Variants in MAP3K4 observed in about 807,000 individuals in gnomAD.
MAP3K4 encodes the protein MAP three kinase 1.
Under a neutral mutation model 185.6 loss-of-function variants are expected in MAP3K4, and 67 were observed. That is an observed-to-expected ratio of 0.36 (90% CI 0.30 to 0.44). The LOEUF (loss-of-function observed/expected upper bound fraction) is 0.44, where lower values mean the gene tolerates loss of function less well. Ranked by LOEUF, MAP3K4 falls within the 20% of genes least tolerant of loss-of-function variation. MAP3K4 has a pLI of 1.00. For synonymous variants in MAP3K4, 702 were observed against 710.4 expected, an observed-to-expected ratio of 0.99 and a Z score of 0.19; for missense variants, 1,551 against 1,995.1, an observed-to-expected ratio of 0.78 and a Z score of 4.24.
intron 1 of MAP3K4, among the ~76,000 whole-genome samples, chr6:161,003,805 T>G (rs1433856713): frequency 2.6e-5 from 4 of 152,136 alleles, no homozygotes; most frequent in African/African-American, 9.6e-5. Flanking sequence ...GTTTCTTTGT[T>G]GTACAAGACA....
chr6:161,016,472 G>T (rs1345272509), intron 1 of MAP3K4, among the ~76,000 whole-genome samples: 1 of 152,118 alleles, frequency 6.6e-6, no homozygotes, highest in African/African-American at 2.4e-5. Context: ...ACACATTCTG[G>T]TTGTTGTTAC....
chr6:161,083,874 C>G (rs1322694455), intron 6 of MAP3K4, among the ~76,000 whole-genome samples: 1 of 152,220 alleles, frequency 6.6e-6, no homozygotes, highest in Non-Finnish European at 1.5e-5. Flanking sequence ...AAGCCTAGCA[C>G]TTACCTCCTG....
At chr6:160,992,209 G>A (rs1225908747) in intron 1 of MAP3K4, 126 bp downstream of exon 1, 2 of 1,280,822 alleles carry the variant, frequency 1.6e-6, no homozygotes, top group South Asian at 1.7e-5. Context: ...TCTGCAGGCT[G>A]GGGCGGGAGG....
intron 1 of MAP3K4, among the ~76,000 whole-genome samples, chr6:161,019,663 C>T (rs544970933): frequency 6.6e-6 from 1 of 152,298 alleles, no homozygotes; most frequent in East Asian, 1.9e-4. Flanking sequence ...CCCGCATTGG[C>T]CTTCCTTAGT....
At position 161,106,829 on chromosome 6, in the gene MAP3K4, G is replaced by T. The variant is rs1208346228; in HGVS notation, c.4048+124G>T. ...CTTGTAGACATAGCAAGTATGCATT[G>T]TTATCTTTTTGCAAAGTGGTCTGGA... is the stretch of plus-strand genomic sequence containing the variant. On this transcript the variant is annotated intron_variant, in intron 20 of 26. Transcript: ENST00000392142. This position sits in a 1 kb window ranked among gnomAD's most constrained non-coding sequence, Gnocchi z 4.9. 2 of 701,500 alleles carry T rather than the reference G, an allele frequency of 2.9e-6. No homozygotes were observed. Among genetic ancestry groups the T allele is most frequent in the Non-Finnish European group, 4.2e-6 (2 of 472,524 alleles). 43.5% of individuals were successfully genotyped at this position (701,500 alleles called of 1,614,324 possible).
Position 161,089,495 on chromosome 6 carries a change from G to C in MAP3K4, c.2973+24G>C, listed in dbSNP as rs1242789124. Reference sequence around the variant, plus strand: ...AGGTATTACACTGTCCTCTACATTAGCTGAGATTTTTCCTTTTTGATGAAA... The same window carrying C: ...AGGTATTACACTGTCCTCTACATTACCTGAGATTTTTCCTTTTTGATGAAA... On this transcript the variant is annotated intron_variant, in intron 11 of 26. Transcript: ENST00000392142. 1.9e-6 allele frequency: 3 copies of C among 1,609,116 alleles called. No individual in the cohort carries two copies. In the African/African-American group the frequency reaches 4.0e-5, roughly 22 times the overall value.
At position 161,075,609 on chromosome 6, in the gene MAP3K4, C is replaced by T. The variant is rs191447716; in HGVS notation, c.2097+1997C>T. 3.3e-5 allele frequency among the ~76,000 whole-genome samples: 5 copies of T among 152,154 alleles called. No individual in the cohort carries two copies. The East Asian group carries it at 5.8e-4, about 18-fold the overall frequency. ...TGCTTCGTAAACTGTGTTTGCTGGC[C>T]CTTTATCCTGTAGTGGCAGGGGAGC... is the stretch of plus-strand genomic sequence containing the variant. On this transcript the variant is annotated intron_variant, in intron 5 of 26. Coordinates refer to ENST00000392142, the MANE Select transcript of MAP3K4 (RefSeq NM_005922.4). The surrounding 1 kb of genome is among the most constrained non-coding windows in gnomAD (Gnocchi z 4.3).
At chr6:161,010,439 A>C (rs930760031) in intron 1 of MAP3K4, among the ~76,000 whole-genome samples, 2 of 152,178 alleles carry the variant, frequency 1.3e-5, no homozygotes, top group African/African-American at 4.8e-5. Flanking sequence ...AAAAGTGTTT[A>C]TTTTTAATAA....
rs1457648347 is a variant in MAP3K4 at position 161,112,803 on chromosome 6, C to A, written c.4626+29C>A. Reference sequence around the variant, plus strand: ...AGCGGAGCCCCCACACCTGGCGGAGCAACTTCAGAAGGGCACTGTGCATTA... The same window carrying A: ...AGCGGAGCCCCCACACCTGGCGGAGAAACTTCAGAAGGGCACTGTGCATTA... On this transcript the variant is annotated intron_variant, in intron 25 of 26. Transcript: ENST00000392142. This position sits in a 1 kb window ranked among gnomAD's most constrained non-coding sequence, Gnocchi z 5.1. 1 of 1,493,118 alleles carries A rather than the reference C, an allele frequency of 6.7e-7. No homozygotes were observed. Among genetic ancestry groups the A allele is most frequent in the Non-Finnish European group, 9.0e-7 (1 of 1,108,394 alleles). 92.5% of individuals were successfully genotyped at this position (1,493,118 alleles called of 1,614,324 possible).
Position 161,103,030 on chromosome 6 carries a change from A to G in MAP3K4, c.3856+251A>G, listed in dbSNP as rs1777905572. Among the ~76,000 whole-genome samples the G allele has an allele frequency of 6.6e-6, 1 of 152,186 alleles. No homozygotes were observed. The highest frequency in any genetic ancestry group is 2.4e-5 in the African/African-American group (1 of 41,440). ...TGTTTTACTCATCTTTATATTCTTA[A>G]AGCAACTTAGCATAATTTTTTGTCC... On this transcript the variant is annotated intron_variant, in intron 19 of 26. Transcript: ENST00000392142. The surrounding 1 kb of genome is among the most constrained non-coding windows in gnomAD (Gnocchi z 4.6).
chr6:161,041,926 CTT>C (rs869273927), intron 2 of MAP3K4, among the ~76,000 whole-genome samples: 6 of 45,160 alleles, frequency 1.3e-4, no homozygotes, highest in African/African-American at 3.9e-4. Flanking sequence ...TTTTTTTTTT[CTT>C]TTTTTTTTTT....
chr6:161,111,989 C>A, intron 24 of MAP3K4, 31 bp downstream of exon 24: 1 of 1,611,228 alleles, frequency 6.2e-7, no homozygotes, highest in South Asian at 1.1e-5. Flanking sequence ...TCTTTGCACT[C>A]TGACTTCATG....
intron 1 of MAP3K4, among the ~76,000 whole-genome samples, chr6:161,033,775 C>T (rs1007049369): frequency 6.6e-6 from 1 of 152,106 alleles, no homozygotes; most frequent in Admixed American, 6.6e-5. Context: ...TGCTCCTATA[C>T]ATTCTGTTTT....
rs6929462 is a variant in MAP3K4 at position 161,022,707 on chromosome 6, T to G, written c.153-11552T>G. On this transcript the variant is annotated intron_variant, in intron 1 of 26. Coordinates refer to ENST00000392142, the MANE Select transcript of MAP3K4 (RefSeq NM_005922.4). This position sits in a 1 kb window ranked among gnomAD's most constrained non-coding sequence, Gnocchi z 4.2. ...GCCATCCTTTTCCCTACTCTGGGGC[T>G]CAGGAATTATGCTAGTACCTGTAGG... Among the ~76,000 whole-genome samples the G allele has an allele frequency of 6.6e-6, 1 of 152,068 alleles. No individual in the cohort carries two copies. Among genetic ancestry groups the G allele is most frequent in the African/African-American group, 2.4e-5 (1 of 41,398 alleles).
chr6:161,080,747 C>T lies in MAP3K4; in HGVS notation c.2098-134C>T, dbSNP rs1785411913. On this transcript the variant is annotated intron_variant, in intron 5 of 26. Transcript: ENST00000392142. The surrounding 1 kb of genome is among the most constrained non-coding windows in gnomAD (Gnocchi z 4.8). The stretch of plus-strand genomic sequence containing the variant: ...GCTAACAGTGGTGAGAACCTTGCTT[C>T]TGTCGGTGCTGCGTGCCTGTGACAG... The T allele has an allele frequency of 4.3e-6, 3 of 695,396 alleles. No individual in the cohort carries two copies. In the South Asian group the frequency reaches 5.1e-5, roughly 12 times the overall value. The allele number at this position is 695,396 out of a possible 1,614,324, so 43.1% of individuals were successfully genotyped here. A position where few individuals can be genotyped will look rare whatever the true frequency, so the allele number is the denominator to read the frequency against.
At position 161,034,302 on chromosome 6, in the gene MAP3K4, T is replaced by A; in HGVS notation, c.196T>A (p.Ser66Thr). 1 of 1,613,824 alleles carries A rather than the reference T, an allele frequency of 6.2e-7. No individual in the cohort carries two copies. The stretch of plus-strand genomic sequence containing the variant: ...AGATTCAGCTTGCAAGAGTCCTGAA[T>A]CTGATCTAGAAGACTTCTCCGATGA... ...LGDSACKSPE[S>T]DLEDFSDETN... is the part of the protein sequence containing the mutation. Residue 66 changes from serine (S) to threonine (T), a missense_variant, in exon 2 of 27, where the codon TCT becomes ACT. Ser to Thr is a moderately conservative substitution (Grantham distance 58). Transcript: ENST00000392142. This position sits in a 1 kb window ranked among gnomAD's most constrained non-coding sequence, Gnocchi z 4.4.
rs181383164 is a variant in MAP3K4, at chr6:161,098,108, G to C, written c.3525-170G>C. 3.9e-6 allele frequency: 3 copies of C among 775,964 alleles called. No individual in the cohort carries two copies. The highest frequency in any genetic ancestry group is 5.1e-5 in the Admixed American group (2 of 38,958). 48.1% of individuals were successfully genotyped at this position (775,964 alleles called of 1,614,324 possible). Reference sequence around the variant, plus strand: ...TCTCAAAAAAAAGAAAAGCTTTGAAGTTAGGTTTTTTCTTTTTTACACCTA... The same window carrying C: ...TCTCAAAAAAAAGAAAAGCTTTGAACTTAGGTTTTTTCTTTTTTACACCTA... On this transcript the variant is annotated intron_variant, in intron 16 of 26. Coordinates refer to ENST00000392142, the MANE Select transcript of MAP3K4 (RefSeq NM_005922.4). This position sits in a 1 kb window ranked among gnomAD's most constrained non-coding sequence, Gnocchi z 4.4.
At chr6:161,050,046 G>A (rs905070633) in intron 3 of MAP3K4, 67 bp downstream of exon 3, 1 of 1,431,782 alleles carries the variant, frequency 7.0e-7, no homozygotes, top group African/African-American at 1.4e-5. Context: ...AAATTATAAT[G>A]TTGGTGTTAT....
intron 1 of MAP3K4, among the ~76,000 whole-genome samples, chr6:161,014,387 G>A (rs1463104306): frequency 1.3e-5 from 2 of 152,134 alleles, no homozygotes; most frequent in Non-Finnish European, 2.9e-5. Context: ...AAGTAGGTTT[G>A]CTTTCCTTTC....
Sources: allele counts gnomAD v4.1 joint callset (sites outside exome capture counted in the v4.1 genomes callset), GRCh38; gene constraint gnomAD v4.1.1; non-coding constraint Gnocchi (gnomAD v3.1); transcripts MANE v1.5; gene names NCBI Gene and HGNC (gene_info 2026-07-23, HGNC 2026-07-21).